SHANK2: variants seen among roughly 807,000 people sequenced by gnomAD.
The protein encoded by SHANK2 is SH3 and multiple ankyrin repeat domains 2.
Under a neutral mutation model 133.7 loss-of-function variants are expected in SHANK2, and 43 were observed. That is an observed-to-expected ratio of 0.32 (90% CI 0.25 to 0.41). SHANK2 has a LOEUF of 0.41. Among genes scored for constraint, SHANK2 ranks in the 10% least tolerant of loss-of-function variants. The pLI is 1.00. For synonymous variants in SHANK2, 1,017 were observed against 952.8 expected, an observed-to-expected ratio of 1.07 and a Z score of -1.24; for missense variants, 1,994 against 2,235.8, an observed-to-expected ratio of 0.89 and a Z score of 2.18.
At chr11:71,060,394 C>T (rs1037927295) in intron 9 of SHANK2, among the ~76,000 whole-genome samples, 115 of 152,328 alleles carry the variant, frequency 7.5e-4, no homozygotes, top group Middle Eastern at 3.4e-3. Flanking sequence ...CAGAACAACA[C>T]GGACTGTATG....
At position 71,155,836 on chromosome 11, in the gene SHANK2, G is replaced by A. The variant is rs567186233; in HGVS notation, c.-12-8498C>T. Among the ~76,000 whole-genome samples the A allele has an allele frequency of 7.7e-4, 117 of 152,274 alleles. 1 individual carries two copies. The highest frequency in any genetic ancestry group is 1.3e-3 in the Non-Finnish European group (86 of 68,020). ...CATGGCATTAGACACACTGTGAGCT[G>A]AACTGTGTCCCCTGCTCAAATCCGT... On this transcript the variant is annotated intron_variant, in intron 2 of 25. Coordinates refer to ENST00000601538, the MANE Select transcript of SHANK2 (RefSeq NM_012309.5).
intron 17 of SHANK2, among the ~76,000 whole-genome samples, chr11:70,570,280 C>T (rs57236853): frequency 2.6e-5 from 4 of 152,078 alleles, no homozygotes; most frequent in Non-Finnish European, 5.9e-5. Context: ...GGGCCCAGGT[C>T]GCTCCCGTTC....
intron 11 of SHANK2, among the ~76,000 whole-genome samples, chr11:70,892,477 G>A (rs540361492): frequency 6.6e-6 from 1 of 152,254 alleles, no homozygotes; most frequent in South Asian, 2.1e-4. Context: ...CCCCATCCCA[G>A]TCCACACTGA....
In SHANK2 at chr11:70,730,000, C is replaced by T. The variant is rs181240677; in HGVS notation, c.1778-31237G>A. 1.6e-4 allele frequency among the ~76,000 whole-genome samples: 24 copies of T among 151,950 alleles called. No individual in the cohort carries two copies. The East Asian group carries it at 2.1e-3, about 13-fold the overall frequency. On this transcript the variant is annotated intron_variant, in intron 14 of 25. Coordinates refer to ENST00000601538, the MANE Select transcript of SHANK2 (RefSeq NM_012309.5). Reference sequence around the variant, plus strand: ...GTTCATGATGTGGGGCAAGCAAAACCGCCTCTCCCTGCCTCGGTTTTCTCC... The same window carrying T: ...GTTCATGATGTGGGGCAAGCAAAACTGCCTCTCCCTGCCTCGGTTTTCTCC...
intron 2 of SHANK2, among the ~76,000 whole-genome samples, chr11:71,200,606 T>A (rs1344637240): frequency 6.6e-6 from 1 of 152,050 alleles, no homozygotes; most frequent in African/African-American, 2.4e-5. Flanking sequence ...TACATTTAAC[T>A]TCACTCTACA....
intron 14 of SHANK2, among the ~76,000 whole-genome samples, chr11:70,785,779 G>A (rs782253134): frequency 2.6e-5 from 4 of 152,166 alleles, no homozygotes; most frequent in Non-Finnish European, 5.9e-5. Flanking sequence ...AGGTAACAGC[G>A]GCCTTGGGCA....
At chr11:70,825,331 G>T (rs1240005937) in intron 11 of SHANK2, among the ~76,000 whole-genome samples, 1 of 152,178 alleles carries the variant, frequency 6.6e-6, no homozygotes, top group Non-Finnish European at 1.5e-5. Context: ...CCCAGAAGGT[G>T]AATTTTGGTG....
intron 2 of SHANK2, among the ~76,000 whole-genome samples, chr11:71,224,443 G>A (rs1954607836): frequency 6.6e-6 from 1 of 152,252 alleles, no homozygotes; most frequent in Non-Finnish European, 1.5e-5. Flanking sequence ...GCACACTGGT[G>A]AGGACAGCTC....
chr11:70,581,161 G>A (rs183558761), intron 17 of SHANK2, among the ~76,000 whole-genome samples: 202 of 152,278 alleles, frequency 1.3e-3, no homozygotes, highest in African/African-American at 4.6e-3. Context: ...CAGGGACGAC[G>A]GCAAAAGTAA....
chr11:71,081,346 T>C (rs1189629573), intron 8 of SHANK2, among the ~76,000 whole-genome samples: 1 of 152,236 alleles, frequency 6.6e-6, no homozygotes, highest in African/African-American at 2.4e-5. Context: ...GGTCTACTAA[T>C]GTGTGCTGTT....
intron 3 of SHANK2, among the ~76,000 whole-genome samples, chr11:71,144,941 C>T (rs187268017): frequency 2.0e-3 from 309 of 152,356 alleles, no homozygotes; most frequent in Non-Finnish European, 2.7e-3. Context: ...TGCAGAGGGA[C>T]GTGTCGGAAC....
At chr11:70,862,259 T>G (rs1360134561) in intron 11 of SHANK2, among the ~76,000 whole-genome samples, 1 of 152,202 alleles carries the variant, frequency 6.6e-6, no homozygotes, top group Non-Finnish European at 1.5e-5. Context: ...ATTAAGTGTC[T>G]CAGGGGGAGG....
intron 14 of SHANK2, among the ~76,000 whole-genome samples, chr11:70,750,968 A>G (rs1555037350): frequency 6.6e-6 from 1 of 152,198 alleles, no homozygotes; most frequent in African/African-American, 2.4e-5. Context: ...CCAAATGTCC[A>G]TGATACAGGT....
intron 17 of SHANK2, among the ~76,000 whole-genome samples, chr11:70,597,964 G>A (rs1419109059): frequency 6.6e-6 from 1 of 152,142 alleles, no homozygotes; most frequent in African/African-American, 2.4e-5. Flanking sequence ...GAGGCCTTGC[G>A]GGCACCCCTG....
chr11:71,229,813 C>T (rs1954711516), intron 1 of SHANK2, among the ~76,000 whole-genome samples: 1 of 148,062 alleles, frequency 6.8e-6, no homozygotes, highest in South Asian at 2.2e-4. Context: ...TAGGTATAAA[C>T]CTAACAATAC....
chr11:71,066,124 T>A (rs1951056072), intron 9 of SHANK2, among the ~76,000 whole-genome samples: 2 of 105,756 alleles, frequency 1.9e-5, no homozygotes, highest in Non-Finnish European at 3.7e-5. Context: ...CCCAGGGAGA[T>A]GAGCAGTGAG....
In SHANK2 at chr11:70,485,597, C is replaced by T. The variant is rs782810926; in HGVS notation, c.4696G>A (p.Ala1566Thr). ...CTATCTACATCTTCTTCCACGAGCG[C>T]GTCTTGATAAAGTGCATTGCTTTTG... ...IHKSNALYQDALVEEDVDSFV... is the reference protein window; with the variant it reads ...IHKSNALYQDTLVEEDVDSFV... The change falls in exon 25 of 26, where the codon GCG becomes ACG. Residue 1566 changes from alanine to threonine, a missense_variant. Ala to Thr is a moderately conservative substitution (Grantham distance 58, BLOSUM62 0). Around this residue, in one of 5 missense-constraint regions of SHANK2, gnomAD observed 797 missense variants for 907.4 expected, o/e 0.88. Coordinates refer to ENST00000601538, the MANE Select transcript of SHANK2 (RefSeq NM_012309.5). This position sits in a 1 kb window ranked among gnomAD's most constrained non-coding sequence, Gnocchi z 5.8. 13 of 1,613,894 alleles carry T rather than the reference C, an allele frequency of 8.1e-6. No individual in the cohort carries two copies. The highest frequency in any genetic ancestry group is 3.3e-5 in the Admixed American group (2 of 60,020).
chr11:70,785,243 C>A (rs1179053992), intron 14 of SHANK2, among the ~76,000 whole-genome samples: 1 of 152,122 alleles, frequency 6.6e-6, no homozygotes, highest in Non-Finnish European at 1.5e-5. Flanking sequence ...GGGCCCCCTC[C>A]TACCCTCGTC....
At chr11:71,150,660 G>A (rs1387292264) in intron 2 of SHANK2, among the ~76,000 whole-genome samples, 3 of 151,982 alleles carry the variant, frequency 2.0e-5, no homozygotes, top group Admixed American at 1.3e-4. Context: ...TCCAGCGCAT[G>A]TTCTTTCTTT....
Sources: gnomAD v4.1 joint callset for allele counts (sites outside exome capture counted in the v4.1 genomes callset) on GRCh38, gnomAD v4.1.1 for gene constraint, gnomAD v4.1.1 regional missense constraint, Gnocchi (gnomAD v3.1) non-coding constraint, MANE v1.5 for transcripts, NCBI Gene and HGNC (gene_info 2026-07-23, HGNC 2026-07-21) for gene names.